PTPRD: variants seen among roughly 807,000 people sequenced by gnomAD.
PTPRD encodes the protein protein tyrosine phosphatase receptor type D.
A neutral mutation model predicts 214.5 loss-of-function variants in PTPRD; 34 were observed. That is an observed-to-expected ratio of 0.16 (90% CI 0.12 to 0.21). The LOEUF (loss-of-function observed/expected upper bound fraction) is 0.21. Ranked by LOEUF, PTPRD falls within the 10% of genes least tolerant of loss-of-function variation. The pLI, the probability that PTPRD is intolerant of heterozygous loss-of-function variation, is 1.00. For synonymous variants in PTPRD, 1,128 were observed against 845.7 expected (o/e 1.33, Z -5.79); for missense variants, 2,545 against 2,398.7 (o/e 1.06, Z -1.27).
intron 2 of PTPRD, among the ~76,000 whole-genome samples, chr9:10,442,321 G>C (rs1329785879): frequency 6.6e-6 from 1 of 151,664 alleles, no homozygotes; most frequent in Non-Finnish European, 1.5e-5. Context: ...AAGTAGAAAA[G>C]ATTTCTGAAT....
chr9:9,865,975 T>C (rs1301209124), intron 5 of PTPRD, among the ~76,000 whole-genome samples: 1 of 151,984 alleles, frequency 6.6e-6, no homozygotes, highest in Non-Finnish European at 1.5e-5. Flanking sequence ...CAAGGAAGAG[T>C]CCCAGACACT....
chr9:8,988,586 A>G (rs1007251526), intron 11 of PTPRD, among the ~76,000 whole-genome samples: 4 of 152,130 alleles, frequency 2.6e-5, no homozygotes, highest in Non-Finnish European at 4.4e-5. Flanking sequence ...TCCTCTGTTG[A>G]TGGGCTTTAT....
At chr9:8,657,993 T>C (rs1478909484) in intron 12 of PTPRD, among the ~76,000 whole-genome samples, 1 of 152,202 alleles carries the variant, frequency 6.6e-6, no homozygotes, top group African/African-American at 2.4e-5. Context: ...TGGCCAAAAA[T>C]CTTAGCAGCA....
At chr9:8,357,731 G>A (rs1241846779) in intron 39 of PTPRD, among the ~76,000 whole-genome samples, 3 of 152,096 alleles carry the variant, frequency 2.0e-5, no homozygotes, top group African/African-American at 7.2e-5. Flanking sequence ...CCTCATATAG[G>A]GAGGAAGATA....
At chr9:10,440,113 C>T (rs1434187416) in intron 2 of PTPRD, among the ~76,000 whole-genome samples, 2 of 151,438 alleles carry the variant, frequency 1.3e-5, no homozygotes, top group African/African-American at 4.8e-5. Context: ...AAAAAATCGG[C>T]TATTACTATT....
chr9:8,736,208 A>G (rs904542625), intron 11 of PTPRD, among the ~76,000 whole-genome samples: 3 of 152,198 alleles, frequency 2.0e-5, no homozygotes, highest in African/African-American at 7.2e-5. Flanking sequence ...GACTGGCTCC[A>G]AGCAATCATT....
At chr9:9,990,699 C>G (rs1460699384) in intron 4 of PTPRD, among the ~76,000 whole-genome samples, 9 of 152,214 alleles carry the variant, frequency 5.9e-5, no homozygotes, top group Admixed American at 6.5e-5. Flanking sequence ...AGCCCTGTTG[C>G]ATTGATTTTC....
Position 8,667,332 on chromosome 9 carries a change from G to A in PTPRD, c.65-30488C>T, listed in dbSNP as rs117728414. Among the ~76,000 whole-genome samples the A allele has an allele frequency of 3.1e-4, 47 of 152,140 alleles. 1 individual carries two copies. In the East Asian group the frequency reaches 8.3e-3, roughly 27 times the overall value. ...CCAGCCTGGGCAACAAGAGCAAAAC[G>A]TCGTCTCTAAATAAATAAATAAAAC... On this transcript the variant is annotated intron_variant, in intron 12 of 45. Coordinates refer to ENST00000381196, the MANE Select transcript of PTPRD (RefSeq NM_002839.4).
At chr9:9,862,936 T>A (rs982234960) in intron 5 of PTPRD, among the ~76,000 whole-genome samples, 12 of 150,826 alleles carry the variant, frequency 8.0e-5, no homozygotes, top group African/African-American at 2.9e-4. Context: ...ATTCACCTTA[T>A]TTCATAAAAT....
At chr9:9,511,981 G>A (rs1333879698) in intron 8 of PTPRD, among the ~76,000 whole-genome samples, 1 of 151,640 alleles carries the variant, frequency 6.6e-6, no homozygotes, top group Non-Finnish European at 1.5e-5. Context: ...CTAGGAAATA[G>A]GTCATAAATG....
chr9:9,019,444 C>A (rs975886202), intron 10 of PTPRD, among the ~76,000 whole-genome samples: 1 of 152,124 alleles, frequency 6.6e-6, no homozygotes, highest in African/African-American at 2.4e-5. Flanking sequence ...GTGGCTCATG[C>A]CTGTTATCCC....
intron 3 of PTPRD, among the ~76,000 whole-genome samples, chr9:10,073,811 C>G (rs2098081531): frequency 6.6e-6 from 1 of 152,050 alleles, no homozygotes. Context: ...ATCCTCTACT[C>G]CCTGTTGTGA....
intron 2 of PTPRD, among the ~76,000 whole-genome samples, chr9:10,571,656 T>G (rs1191527272): frequency 6.6e-6 from 1 of 152,098 alleles, no homozygotes; most frequent in East Asian, 1.9e-4. Flanking sequence ...TATAAAACAG[T>G]GGTCCCCAAA....
chr9:10,400,035 A>G (rs1054046060), intron 2 of PTPRD, among the ~76,000 whole-genome samples: 11 of 151,858 alleles, frequency 7.2e-5, no homozygotes, highest in African/African-American at 2.4e-4. Flanking sequence ...GTTACATTTT[A>G]GAGGAAAAAC....
At chr9:10,108,222 T>C (rs2098654294) in intron 3 of PTPRD, among the ~76,000 whole-genome samples, 1 of 152,126 alleles carries the variant, frequency 6.6e-6, no homozygotes, top group Admixed American at 6.6e-5. Context: ...AGTTTTATGG[T>C]AGACAGCATG....
chr9:9,827,181 A>C (rs12379842), intron 5 of PTPRD, among the ~76,000 whole-genome samples: 4,824 of 152,204 alleles, frequency 0.032, 84 homozygotes, highest in Middle Eastern at 0.058. Context: ...GGAACCAAAA[A>C]AGAGCCCACA....
At chr9:8,836,339 A>T (rs1179191627) in intron 11 of PTPRD, among the ~76,000 whole-genome samples, 1 of 152,174 alleles carries the variant, frequency 6.6e-6, no homozygotes, top group Admixed American at 6.5e-5. Flanking sequence ...AGCCCTTGGC[A>T]CATCTCTAAA....
chr9:8,405,297 T>C (rs1305121086), intron 35 of PTPRD, among the ~76,000 whole-genome samples: 1 of 152,144 alleles, frequency 6.6e-6, no homozygotes, highest in Non-Finnish European at 1.5e-5. Context: ...ACCCAATGCA[T>C]ATAAATTGTT....
chr9:8,415,434 T>C (rs966269782), intron 35 of PTPRD, among the ~76,000 whole-genome samples: 2 of 152,226 alleles, frequency 1.3e-5, no homozygotes, highest in Admixed American at 6.5e-5. Flanking sequence ...TGATAATTCA[T>C]TCTATAGACA....
Sources: allele counts gnomAD v4.1 joint callset (sites outside exome capture counted in the v4.1 genomes callset), GRCh38; gene constraint gnomAD v4.1.1; transcripts MANE v1.5; gene names NCBI Gene and HGNC (gene_info 2026-07-23, HGNC 2026-07-21).